The following DOCK8 variants were observed in gnomAD, a reference collection of about 807,000 sequenced individuals.
The protein encoded by DOCK8 is dedicator of cytokinesis 8.
DOCK8 carries 141 observed loss-of-function variants against 245.6 expected under a neutral mutation model. The ratio of observed to expected loss-of-function variants is 0.57; its 90% CI spans 0.50 to 0.66. The LOEUF is 0.66. Among genes scored for constraint, DOCK8 ranks in the 30% least tolerant of loss-of-function variants. The pLI is 0.00. For synonymous variants in DOCK8, 1,168 were observed against 970.2 expected (o/e 1.20, Z -3.79); for missense variants, 2,965 against 2,603.4 (o/e 1.14, Z -3.02).
At chr9:218,466 C>T (rs959782724) in intron 1 of DOCK8, among the ~76,000 whole-genome samples, 5 of 152,076 alleles carry the variant, frequency 3.3e-5, no homozygotes, top group Non-Finnish European at 7.3e-5. Flanking sequence ...TGCTGACTTG[C>T]GTGCCAAGGA....
intron 43 of DOCK8, among the ~76,000 whole-genome samples, chr9:446,028 A>G (rs915065814): frequency 6.6e-6 from 1 of 152,192 alleles, no homozygotes; most frequent in Non-Finnish European, 1.5e-5. Context: ...TGAGGTAGTC[A>G]TTGTCATTCT....
At chr9:219,896 C>G (rs663552) in intron 1 of DOCK8, among the ~76,000 whole-genome samples, 1 of 151,224 alleles carries the variant, frequency 6.6e-6, no homozygotes, top group South Asian at 2.1e-4. Context: ...GACTCTATTT[C>G]AAAAAAAAAG....
intron 24 of DOCK8, among the ~76,000 whole-genome samples, chr9:393,112 A>AAAG (rs1273404478): frequency 9.9e-5 from 13 of 131,824 alleles, no homozygotes; most frequent in East Asian, 3.9e-4. Context: ...AAAAAAAAAA[A>AAAG]AAGAAGAAGA....
intron 20 of DOCK8, among the ~76,000 whole-genome samples, chr9:379,262 G>T (rs569901793): frequency 3.9e-5 from 6 of 152,198 alleles, no homozygotes; most frequent in Non-Finnish European, 8.8e-5. Context: ...CTGTGGGAAT[G>T]ACTTGATATG....
At chr9:233,596 A>G (rs1038322567) in intron 1 of DOCK8, among the ~76,000 whole-genome samples, 16 of 151,876 alleles carry the variant, frequency 1.1e-4, no homozygotes, top group Admixed American at 5.2e-4. Flanking sequence ...TTGGGTGCAT[A>G]TATATTTAGG....
chr9:400,844 T>A (rs967786808), intron 26 of DOCK8, among the ~76,000 whole-genome samples: 35 of 43,948 alleles, frequency 8.0e-4, no homozygotes, highest in South Asian at 1.6e-3. Flanking sequence ...CACCACCACC[T>A]CCACCATCAC....
intron 30 of DOCK8, among the ~76,000 whole-genome samples, chr9:419,264 C>G (rs1205419024): frequency 1.3e-5 from 2 of 152,226 alleles, no homozygotes; most frequent in Non-Finnish European, 2.9e-5. Context: ...CTGCACTTAG[C>G]AAGCTCCATC....
rs754899089 is a variant in DOCK8, at chr9:432,240, A to G, written c.4701A>G (p.Glu1567=). Reference sequence around the variant, plus strand: ...TGGGAAGAGCACCAGACTTTAATGAAGAGCACCTGAGAAGATCCTTGAGGA... The same window carrying G: ...TGGGAAGAGCACCAGACTTTAATGAGGAGCACCTGAGAAGATCCTTGAGGA... ...SLVGRAPDFN[E]EHLRRSLRTI... The change falls in exon 37 of 48, where the codon GAA becomes GAG. Residue 1567 remains glutamate, a synonymous_variant. Transcript: ENST00000432829. 3 of 1,613,976 alleles carry G rather than the reference A, an allele frequency of 1.9e-6. No homozygotes were observed. The highest frequency in any genetic ancestry group is 1.7e-5 in the Admixed American group (1 of 60,000).
At chr9:418,445 T>G (rs1487493995) in intron 30 of DOCK8, among the ~76,000 whole-genome samples, 1 of 151,992 alleles carries the variant, frequency 6.6e-6, no homozygotes, top group African/African-American at 2.4e-5. Context: ...TTTTGTATCT[T>G]TTAGTAGAGA....
intron 1 of DOCK8, among the ~76,000 whole-genome samples, chr9:231,084 T>C (rs1219009902): frequency 2.0e-5 from 3 of 152,176 alleles, no homozygotes; most frequent in African/African-American, 7.2e-5. Context: ...TTGTATAAGG[T>C]GTAAGGAAGG....
rs2050852683 is a variant in DOCK8 at position 328,243 on chromosome 9, G to A, written c.1044+72G>A. 12 of 1,534,510 alleles carry A rather than the reference G, an allele frequency of 7.8e-6. No individual in the cohort carries two copies. The East Asian group carries it at 2.9e-4, about 37-fold the overall frequency. The stretch of plus-strand genomic sequence containing the variant: ...GTGTTGTTCCCAGCACATGTTTGGG[G>A]TGCACGCAATCTCAGAATGTGTCCA... On this transcript the variant is annotated intron_variant, in intron 9 of 47. Transcript: ENST00000432829.
In DOCK8 at chr9:305,061, C is replaced by T. The variant is rs576404843; in HGVS notation, c.528+357C>T. On this transcript the variant is annotated intron_variant, in intron 5 of 47. Transcript: ENST00000432829. ...ATGCTGAGGCCAGAATACCTGCATT[C>T]TCCTAGTGATTCTACCATGTACTAA... Among the ~76,000 whole-genome samples the T allele has an allele frequency of 3.9e-5, 6 of 152,276 alleles. 1 individual carries two copies. In the South Asian group the frequency reaches 1.0e-3, roughly 26 times the overall value.
chr9:282,524 T>C (rs2048633751), intron 2 of DOCK8, among the ~76,000 whole-genome samples: 2 of 151,406 alleles, frequency 1.3e-5, no homozygotes, highest in Admixed American at 1.3e-4. Flanking sequence ...GCTCAGTGTT[T>C]CTCCCATCTC....
intron 40 of DOCK8, among the ~76,000 whole-genome samples, 192 bp from the exon 41 acceptor site, chr9:441,094 C>T (rs1240747204): frequency 1.3e-5 from 2 of 152,028 alleles, no homozygotes; most frequent in Admixed American, 6.6e-5. Flanking sequence ...GACTACTTAG[C>T]GAGGTGTCTA....
intron 7 of DOCK8, among the ~76,000 whole-genome samples, chr9:323,186 T>C (rs1426724139): frequency 6.7e-6 from 1 of 149,578 alleles, no homozygotes; most frequent in East Asian, 2.0e-4. Flanking sequence ...GGCTTTTCGG[T>C]GGTAAAATGT....
chr9:375,624 C>T (rs765027946), intron 18 of DOCK8, among the ~76,000 whole-genome samples: 7 of 152,154 alleles, frequency 4.6e-5, no homozygotes, highest in Non-Finnish European at 1.0e-4. Flanking sequence ...AGACAGATTA[C>T]ACCGTTCAGC....
chr9:248,432 C>T (rs1006932367), intron 1 of DOCK8, among the ~76,000 whole-genome samples: 1 of 145,568 alleles, frequency 6.9e-6, no homozygotes. Flanking sequence ...TTTTTCCCTT[C>T]CTTCTGTCTT....
intron 18 of DOCK8, among the ~76,000 whole-genome samples, chr9:375,855 G>C (rs2053491799): frequency 6.6e-6 from 1 of 152,094 alleles, no homozygotes; most frequent in East Asian, 1.9e-4. Context: ...AAATTAGTTG[G>C]GTGTGGTGGT....
At chr9:327,977 A>G (rs778060222) in intron 8 of DOCK8, 45 bp from the exon 9 acceptor site, 1 of 1,585,738 alleles carries the variant, frequency 6.3e-7, no homozygotes, top group Admixed American at 1.7e-5. Context: ...TAAACCATGA[A>G]TGCAACAGGT....
Sources: gnomAD v4.1 joint callset for allele counts (sites outside exome capture counted in the v4.1 genomes callset) on GRCh38, gnomAD v4.1.1 for gene constraint, MANE v1.5 for transcripts, NCBI Gene and HGNC (gene_info 2026-07-23, HGNC 2026-07-21) for gene names.